VWA3B: variants seen among roughly 807,000 people sequenced by gnomAD.
The protein encoded by VWA3B is von Willebrand factor A domain containing 3B, also known as von Willebrand factor A domain-containing protein 3B.
VWA3B carries 138 observed loss-of-function variants against 158.3 expected under a neutral mutation model. That is an observed-to-expected ratio of 0.87 (90% CI 0.76 to 1.00). The LOEUF is 1.00. Among genes scored for constraint, VWA3B ranks in the 50% least tolerant of loss-of-function variants. VWA3B has a pLI of 0.00. For missense variants in VWA3B, 1,555 were observed against 1,565.1 expected, an observed-to-expected ratio of 0.99 and a Z score of 0.11; for synonymous variants, 596 against 587.3, an observed-to-expected ratio of 1.01 and a Z score of -0.21.
intron 2 of VWA3B, among the ~76,000 whole-genome samples, chr2:98,096,543 A>G (rs2104828090): frequency 6.6e-6 from 1 of 152,352 alleles, no homozygotes; most frequent in South Asian, 2.1e-4. Flanking sequence ...TGCTGGGATT[A>G]CAGGTGTGAG....
intron 8 of VWA3B, among the ~76,000 whole-genome samples, chr2:98,168,370 C>CACATAT (rs201475045): frequency 8.6e-6 from 1 of 116,386 alleles, no homozygotes; most frequent in Non-Finnish European, 1.7e-5. Context: ...ATCTAATACA[C>CACATAT]ACACATACAC....
At chr2:98,212,220 T>C (rs1683587292) in intron 13 of VWA3B, 192 bp downstream of exon 13, 2 of 516,506 alleles carry the variant, frequency 3.9e-6, no homozygotes, top group South Asian at 5.9e-5. Flanking sequence ...CTGAGGAGAA[T>C]TTATGAGACA....
intron 13 of VWA3B, among the ~76,000 whole-genome samples, chr2:98,213,562 A>G (rs1683719855): frequency 6.6e-6 from 1 of 152,192 alleles, no homozygotes; most frequent in African/African-American, 2.4e-5. Flanking sequence ...GGTGAGGAGA[A>G]GGTAGGAGCA....
At chr2:98,226,912 A>G (rs1019257826) in intron 14 of VWA3B, among the ~76,000 whole-genome samples, 1 of 152,340 alleles carries the variant, frequency 6.6e-6, no homozygotes, top group Middle Eastern at 3.4e-3. Flanking sequence ...AATAAGAGCC[A>G]TTTATGACAA....
intron 21 of VWA3B, among the ~76,000 whole-genome samples, chr2:98,261,065 T>C (rs1687448857): frequency 6.6e-6 from 1 of 151,866 alleles, no homozygotes; most frequent in Non-Finnish European, 1.5e-5. Context: ...TCTGCCATTG[T>C]GCTATTTGTT....
intron 7 of VWA3B, 94 bp downstream of exon 7, chr2:98,134,033 C>A: frequency 2.0e-6 from 2 of 1,012,984 alleles, no homozygotes; most frequent in Non-Finnish European, 3.1e-6. Flanking sequence ...GGAGAGACTC[C>A]CCATGTCTTT....
At chr2:98,091,516 G>A (rs1682291983) in intron 1 of VWA3B, among the ~76,000 whole-genome samples, 1 of 152,132 alleles carries the variant, frequency 6.6e-6, no homozygotes, top group Non-Finnish European at 1.5e-5. Context: ...TAAGATTGTG[G>A]ACAAGTTAAT....
At chr2:98,152,554 T>C (rs1309509377) in intron 7 of VWA3B, among the ~76,000 whole-genome samples, 3 of 152,214 alleles carry the variant, frequency 2.0e-5, no homozygotes, top group Non-Finnish European at 4.4e-5. Context: ...TCTGATCTCT[T>C]GGGTTTGGAG....
At chr2:98,289,225 A>G (rs1176735904) in intron 22 of VWA3B, among the ~76,000 whole-genome samples, 1 of 152,180 alleles carries the variant, frequency 6.6e-6, no homozygotes, top group African/African-American at 2.4e-5. Context: ...GCATGCTTGT[A>G]TATCTATATA....
At chr2:98,166,422 G>C (rs1397871756) in intron 8 of VWA3B, among the ~76,000 whole-genome samples, 1 of 152,192 alleles carries the variant, frequency 6.6e-6, no homozygotes, top group Non-Finnish European at 1.5e-5. Flanking sequence ...TAGGATTGGT[G>C]TCTTTATAAG....
intron 15 of VWA3B, among the ~76,000 whole-genome samples, chr2:98,228,565 T>C (rs1685103497): frequency 6.6e-6 from 1 of 152,174 alleles, no homozygotes; most frequent in East Asian, 1.9e-4. Flanking sequence ...TTCTCCACGC[T>C]GTGTGGACGG....
At chr2:98,092,322 T>A (rs1286596374) in intron 1 of VWA3B, among the ~76,000 whole-genome samples, 1 of 152,234 alleles carries the variant, frequency 6.6e-6, no homozygotes, top group Admixed American at 6.5e-5. Context: ...TTTTCCAAAA[T>A]GGAAGAGCTT....
intron 8 of VWA3B, among the ~76,000 whole-genome samples, chr2:98,177,992 G>A (rs1680153571): frequency 6.6e-6 from 1 of 152,078 alleles, no homozygotes; most frequent in Non-Finnish European, 1.5e-5. Context: ...AAAGGGAGAG[G>A]AGAAAAGGAA....
intron 12 of VWA3B, among the ~76,000 whole-genome samples, chr2:98,205,230 T>G (rs1682916527): frequency 6.6e-6 from 1 of 152,248 alleles, no homozygotes; most frequent in Non-Finnish European, 1.5e-5. Flanking sequence ...CTATTCAGGT[T>G]GTCAGTTTCA....
At chr2:98,260,560 T>A (rs1687416989) in intron 21 of VWA3B, among the ~76,000 whole-genome samples, 1 of 151,796 alleles carries the variant, frequency 6.6e-6, no homozygotes, top group Admixed American at 6.6e-5. Context: ...TATGCAAATA[T>A]GACACTATTT....
rs1251210499 is a variant in VWA3B at position 98,125,477 on chromosome 2, C to G, written c.703-2762C>G. ...AGTTTTCCTTTCCAAGCCTCAGTTT[C>G]TTCATCTGTAAACTGGGCATGGTAA... On this transcript the variant is annotated intron_variant, in intron 5 of 27. Transcript: ENST00000477737. The surrounding 1 kb of genome is among the most constrained non-coding windows in gnomAD (Gnocchi z 4.1). Among the ~76,000 whole-genome samples the G allele has an allele frequency of 6.6e-6, 1 of 152,222 alleles. No homozygotes were observed. The highest frequency in any genetic ancestry group is 1.9e-4 in the East Asian group (1 of 5,198).
intron 10 of VWA3B, among the ~76,000 whole-genome samples, chr2:98,192,101 A>G (rs1199114011): frequency 6.6e-6 from 1 of 152,214 alleles, no homozygotes; most frequent in Non-Finnish European, 1.5e-5. Flanking sequence ...AAGCTTCAGG[A>G]ATGTGCTGGC....
At chr2:98,179,552 C>T (rs1680298112) in intron 8 of VWA3B, among the ~76,000 whole-genome samples, 3 of 152,170 alleles carry the variant, frequency 2.0e-5, no homozygotes, top group African/African-American at 7.2e-5. Flanking sequence ...GAGGCAGCCT[C>T]CTAGCCTTCG....
chr2:98,139,260 C>T (rs562635617), intron 7 of VWA3B, among the ~76,000 whole-genome samples: 22 of 152,336 alleles, frequency 1.4e-4, no homozygotes, highest in Middle Eastern at 3.4e-3. Flanking sequence ...CTCGGGACTG[C>T]AGCCCGCCAT....
Sources: gnomAD v4.1 joint callset for allele counts (sites outside exome capture counted in the v4.1 genomes callset) on GRCh38, gnomAD v4.1.1 for gene constraint, Gnocchi (gnomAD v3.1) non-coding constraint, MANE v1.5 for transcripts, NCBI Gene and HGNC (gene_info 2026-07-23, HGNC 2026-07-21) for gene names.